The following DNAH6 variants were observed in gnomAD, a reference collection of about 807,000 sequenced individuals.
DNAH6 encodes dynein axonemal heavy chain 6, also known as axonemal beta dynein heavy chain 6.
Under a neutral mutation model 491.4 loss-of-function variants are expected in DNAH6, and 340 were observed. The ratio of observed to expected loss-of-function variants is 0.69; its 90% CI spans 0.63 to 0.76. The LOEUF (loss-of-function observed/expected upper bound fraction) is 0.76, where lower values mean the gene tolerates loss of function less well. Ranked by LOEUF, DNAH6 falls within the 30% of genes least tolerant of loss-of-function variation. The probability of loss-of-function intolerance (pLI) is 0.00; values close to 1 mark genes in which losing one functional copy is unlikely to be tolerated. For missense variants in DNAH6, 4,443 were observed against 4,972.2 expected (o/e 0.89, Z 3.20); for synonymous variants, 1,603 against 1,686.1 (o/e 0.95, Z 1.21).
chr2:84,774,135 T>C (rs1352177972), intron 64 of DNAH6, among the ~76,000 whole-genome samples: 1 of 151,960 alleles, frequency 6.6e-6, no homozygotes, highest in Admixed American at 6.6e-5. Flanking sequence ...TAAATTCTTT[T>C]CCAAGGCTGA....
intron 38 of DNAH6, 64 bp from the exon 39 acceptor site, chr2:84,670,264 T>G: frequency 1.0e-5 from 12 of 1,165,124 alleles, no homozygotes; most frequent in Non-Finnish European, 1.4e-5. Flanking sequence ...TGTGCCAAAC[T>G]ATTACAGATA....
In DNAH6 at chr2:84,672,434, G is replaced by A. The variant is rs1465492296; in HGVS notation, c.6562G>A (p.Asp2188Asn). 1 of 1,551,582 alleles carries A rather than the reference G, an allele frequency of 6.4e-7. No homozygotes were observed. The highest frequency in any genetic ancestry group is 1.4e-5 in the African/African-American group (1 of 73,170). Reference protein sequence around the residue: ...PPIELLRQYQDFGGFYDRNKL... With the variant: ...PPIELLRQYQNFGGFYDRNKL... The stretch of plus-strand genomic sequence containing the variant: ...GATTGAATTACTTCGGCAGTATCAA[G>A]ATTTTGGGGGATTTTATGACAGAAA... The change falls in exon 40 of 77, where the codon GAT becomes AAT. Residue 2188 changes from aspartate (D) to asparagine (N), a missense_variant. Asp to Asn is a conservative substitution (Grantham distance 23). Transcript: ENST00000389394.
At chr2:84,608,918 T>C (rs1686040740) in intron 21 of DNAH6, among the ~76,000 whole-genome samples, 2 of 152,234 alleles carry the variant, frequency 1.3e-5, no homozygotes, top group Non-Finnish European at 2.9e-5. Flanking sequence ...AGTAGCCACC[T>C]TCATCAATGA....
intron 68 of DNAH6, among the ~76,000 whole-genome samples, chr2:84,787,632 T>C (rs534459011): frequency 6.6e-6 from 1 of 152,248 alleles, no homozygotes; most frequent in African/African-American, 2.4e-5. Context: ...TGAGGACTAT[T>C]ATTATCACCG....
chr2:84,474,811 C>A, the DNAH6 span, among the ~76,000 whole-genome samples: 1 of 152,274 alleles, frequency 6.6e-6, no homozygotes, highest in South Asian at 2.1e-4. Flanking sequence ...TGGTTTATAG[C>A]AATAATAGAG....
chr2:84,753,755 TA>T (rs1162541312), intron 63 of DNAH6, among the ~76,000 whole-genome samples: 22,416 of 76,682 alleles, frequency 0.29, 2,492 homozygotes, highest in Non-Finnish European at 0.33. Context: ...GAAACTCTGT[TA>T]AAAAAAAAAA....
At position 84,685,307 on chromosome 2, in the gene DNAH6, TC is replaced by T. The variant is rs1573479483; in HGVS notation, c.6917-17del. 4 of 1,434,092 alleles carry T rather than the reference TC, an allele frequency of 2.8e-6. No homozygotes were observed. The highest frequency in any genetic ancestry group is 2.7e-5 in the Admixed American group (1 of 36,620). The allele number at this position is 1,434,092 out of a possible 1,614,324, so 88.8% of individuals were successfully genotyped here. The stretch of plus-strand genomic sequence containing the variant: ...AATGTAGAATTTTTCTTTTTTTTTT[TC>T]CTTTTCTTAAAAAACAGGTATCCTC... On this transcript the variant is annotated intron_variant, in intron 42 of 76. Transcript: ENST00000389394.
At chr2:84,810,816 G>A (rs1029421103) in intron 72 of DNAH6, among the ~76,000 whole-genome samples, 1 of 152,200 alleles carries the variant, frequency 6.6e-6, no homozygotes, top group Admixed American at 6.5e-5. Flanking sequence ...GAGAAGGAAA[G>A]CCTTTGAAGT....
At chr2:84,722,318 G>C (rs1341408899) in intron 59 of DNAH6, among the ~76,000 whole-genome samples, 1 of 152,156 alleles carries the variant, frequency 6.6e-6, no homozygotes, top group Non-Finnish European at 1.5e-5. Context: ...TAGGAGTGCT[G>C]TGATGGTGTT....
chr2:84,567,702 A>G (rs35891415), intron 11 of DNAH6, among the ~76,000 whole-genome samples: 4,362 of 152,288 alleles, frequency 0.029, 226 homozygotes, highest in African/African-American at 0.099. Flanking sequence ...ACCATAGAAG[A>G]AAATCTGGGC....
At chr2:84,637,487 C>A in intron 31 of DNAH6, 110 bp downstream of exon 31, 1 of 1,183,440 alleles carries the variant, frequency 8.4e-7, no homozygotes, top group Non-Finnish European at 1.1e-6. Flanking sequence ...TTAATGGTTA[C>A]ACATTATTAA....
chr2:84,749,066 A>G lies in DNAH6; in HGVS notation c.10512+3817A>G, dbSNP rs555013532. On this transcript the variant is annotated intron_variant, in intron 63 of 76. Coordinates refer to ENST00000389394, the MANE Select transcript of DNAH6 (RefSeq NM_001370.2). ...ACTCACTCATTTCTGTGGGGAGAGC[A>G]CCAAGCCATTCATGAGGGATCCACC... Among the ~76,000 whole-genome samples, 8 of 152,318 alleles carry G rather than the reference A, an allele frequency of 5.3e-5. No individual in the cohort carries two copies. In the South Asian group the frequency reaches 1.5e-3, roughly 28 times the overall value.
chr2:84,580,634 G>T (rs538238382), intron 14 of DNAH6, among the ~76,000 whole-genome samples: 1 of 152,198 alleles, frequency 6.6e-6, no homozygotes, highest in East Asian at 1.9e-4. Context: ...CTCATTTCAA[G>T]AAATCGTGCC....
At chr2:84,721,563 C>T (rs911549570) in intron 59 of DNAH6, among the ~76,000 whole-genome samples, 3 of 152,096 alleles carry the variant, frequency 2.0e-5, no homozygotes, top group Admixed American at 6.5e-5. Context: ...GTAAAATACA[C>T]AACAGATTTC....
intron 70 of DNAH6, among the ~76,000 whole-genome samples, chr2:84,801,254 A>G: frequency 6.6e-6 from 1 of 150,844 alleles, no homozygotes; most frequent in South Asian, 2.1e-4. Context: ...AATTAAAAAA[A>G]AAGAAAAAGA....
chr2:84,642,184 A>C, intron 33 of DNAH6, 130 bp downstream of exon 33: 2 of 667,806 alleles, frequency 3.0e-6, no homozygotes, highest in Non-Finnish European at 2.6e-6. Flanking sequence ...CTTATTTTGC[A>C]GTTTAAGAAA....
chr2:84,619,557 C>A lies in DNAH6; in HGVS notation c.3573-128C>A. The A allele has an allele frequency of 1.4e-5, 11 of 775,986 alleles. No individual in the cohort carries two copies. The South Asian group carries it at 2.0e-4, about 14-fold the overall frequency. 48.1% of individuals were successfully genotyped at this position (775,986 alleles called of 1,614,324 possible). A position where few individuals can be genotyped will look rare whatever the true frequency, so the allele number is the denominator to read the frequency against. On this transcript the variant is annotated intron_variant, in intron 23 of 76. Transcript: ENST00000389394. ...ATGTGGCTTCCCCAGAAACCCATGA[C>A]CAGTATAATTGGAGGTCCAGGAAAT...
At chr2:84,812,883 A>G (rs1449001052) in intron 73 of DNAH6, among the ~76,000 whole-genome samples, 175 bp from the exon 74 acceptor site, 4 of 152,176 alleles carry the variant, frequency 2.6e-5, no homozygotes, top group African/African-American at 9.7e-5. Flanking sequence ...GTCCACAGTC[A>G]TCAGGCTGGC....
At chr2:84,817,518 A>C (rs1374948257) in intron 76 of DNAH6, among the ~76,000 whole-genome samples, 2 of 152,144 alleles carry the variant, frequency 1.3e-5, no homozygotes, top group Non-Finnish European at 2.9e-5. Flanking sequence ...CTGTAGTCCC[A>C]GCTACTCAGG....
Sources: allele counts gnomAD v4.1 joint callset (sites outside exome capture counted in the v4.1 genomes callset), GRCh38; gene constraint gnomAD v4.1.1; transcripts MANE v1.5; gene names NCBI Gene and HGNC (gene_info 2026-07-23, HGNC 2026-07-21).